Variants in UBR4 observed in about 807,000 individuals in gnomAD.
UBR4 encodes E3 ubiquitin-protein ligase UBR4.
UBR4 carries 124 observed loss-of-function variants against 575.6 expected under a neutral mutation model. The observed-to-expected ratio is 0.22, with a 90% CI of 0.19 to 0.25. UBR4 has a LOEUF of 0.25. Ranked by LOEUF, UBR4 falls within the 10% of genes least tolerant of loss-of-function variation. UBR4 has a pLI of 1.00. For missense variants in UBR4, 4,818 were observed against 6,478.8 expected, an observed-to-expected ratio of 0.74 and a Z score of 8.80; for synonymous variants, 2,455 against 2,473.7, an observed-to-expected ratio of 0.99 and a Z score of 0.22.
rs747530876 is a variant in UBR4 at position 19,110,333 on chromosome 1, T to C, written c.11977+47A>G. 1 of 1,613,768 alleles carries C rather than the reference T, an allele frequency of 6.2e-7. No homozygotes were observed. The highest frequency in any genetic ancestry group is 1.7e-5 in the Admixed American group (1 of 60,020). On this transcript the variant is annotated intron_variant, in intron 80 of 105. Transcript: ENST00000375254. This position sits in a 1 kb window ranked among gnomAD's most constrained non-coding sequence, Gnocchi z 4.5. ...CCTCCCCTCCCAGTCCGGCCAGGAC[T>C]GCTCCTTTGAGCCTCCTTTCCTTTC...
chr1:19,120,739 T>C (rs181791087), intron 68 of UBR4, among the ~76,000 whole-genome samples: 4 of 152,296 alleles, frequency 2.6e-5, no homozygotes, highest in East Asian at 3.9e-4. Context: ...TGGGGGAATG[T>C]GAACCACCAC....
At chr1:19,121,512 A>G in intron 67 of UBR4, 78 bp from the exon 68 acceptor site, 1 of 1,526,866 alleles carries the variant, frequency 6.5e-7, no homozygotes, top group Admixed American at 2.0e-5. Flanking sequence ...ACGTCTCCCT[A>G]CAGCTGAGAC....
In UBR4 at chr1:19,110,514, A is replaced by G; in HGVS notation, c.11893-50T>C. The G allele has an allele frequency of 6.4e-7, 1 of 1,574,734 alleles. No individual in the cohort carries two copies. Among genetic ancestry groups the G allele is most frequent in the Non-Finnish European group, 8.7e-7 (1 of 1,147,974 alleles). On this transcript the variant is annotated intron_variant, in intron 79 of 105. Coordinates refer to ENST00000375254, the MANE Select transcript of UBR4 (RefSeq NM_020765.3). The surrounding 1 kb of genome is among the most constrained non-coding windows in gnomAD (Gnocchi z 4.5). Reference sequence around the variant, plus strand: ...GAGTCAAGAGGGTCAGCTCCGGTCCAGCGACTCTTAACTATTAATACAATT... The same window carrying G: ...GAGTCAAGAGGGTCAGCTCCGGTCCGGCGACTCTTAACTATTAATACAATT...
intron 1 of UBR4, among the ~76,000 whole-genome samples, chr1:19,203,331 T>C (rs566897754): frequency 2.8e-4 from 43 of 151,692 alleles, no homozygotes; most frequent in African/African-American, 1.0e-3. Context: ...TGAAACCCCG[T>C]CTCTAATAAA....
intron 59 of UBR4, 90 bp downstream of exon 59, chr1:19,138,993 G>A (rs1570978756): frequency 6.9e-7 from 1 of 1,444,582 alleles, no homozygotes; most frequent in East Asian, 2.4e-5. Context: ...CCTTTTCTTT[G>A]CAAAAACCAA....
In UBR4 at chr1:19,186,577, C is replaced by T; in HGVS notation, c.1713G>A (p.Glu571=). 6.2e-7 allele frequency: 1 copy of T among 1,614,094 alleles called. No homozygotes were observed. The highest frequency in any genetic ancestry group is 8.5e-7 in the Non-Finnish European group (1 of 1,180,008). ...CCTCCTCCGTGCTACTGAAATCGTC[C>T]TCATAGTAAGTATTGGAGTCGGTGG... ...SASTDSNTYY[E]DDFSSTEEDS... Residue 571 remains glutamate (E), a synonymous_variant, in exon 14 of 106, where the codon GAG becomes GAA. Coordinates refer to ENST00000375254, the MANE Select transcript of UBR4 (RefSeq NM_020765.3).
At position 19,192,256 on chromosome 1, in the gene UBR4, G is replaced by T. The variant is rs750370164; in HGVS notation, c.1326C>A (p.Leu442=). 6.2e-7 allele frequency: 1 copy of T among 1,614,200 alleles called. No individual in the cohort carries two copies. The highest frequency in any genetic ancestry group is 1.1e-5 in the South Asian group (1 of 91,084). Residue 442 remains leucine (L), a synonymous_variant, in exon 11 of 106, where the codon CTC becomes CTA. Transcript: ENST00000375254. ...TACGAGAAAGGATGTCTCTGACTCG[G>T]AGGGCAGCCAGTGGGTCCTTCTCTT... The part of the protein sequence containing the change: ...KGKEKDPLAA[L]RVRDILSRTK...
chr1:19,172,747 C>G, intron 25 of UBR4, 117 bp downstream of exon 25: 1 of 986,702 alleles, frequency 1.0e-6, no homozygotes, highest in South Asian at 1.6e-5. Context: ...AAGCATTATA[C>G]GTGGGGAAAA....
At chr1:19,156,148 A>G (rs2086420791) in intron 42 of UBR4, 123 bp downstream of exon 42, 3 of 1,312,218 alleles carry the variant, frequency 2.3e-6, no homozygotes, top group Non-Finnish European at 1.1e-6. Flanking sequence ...AGCTGGTACT[A>G]CAGGTGAAAG....
In UBR4 at chr1:19,122,947, G is replaced by A; in HGVS notation, c.9702C>T (p.Asp3234=). The part of the protein sequence containing the change: ...YRQLRDLHTL[D]SHVRGIKKLL... ...GCTTCTTGATCCCACGCACGTGAGAGTCCAGGGTGTGCAAATCCCGGAGCT... is the reference window on the plus strand; with the variant it reads ...GCTTCTTGATCCCACGCACGTGAGAATCCAGGGTGTGCAAATCCCGGAGCT... The change falls in exon 66 of 106, where the codon GAC becomes GAT. Residue 3234 remains aspartate (D), a synonymous_variant. Transcript: ENST00000375254. 2 of 1,614,252 alleles carry A rather than the reference G, an allele frequency of 1.2e-6. No individual in the cohort carries two copies. The highest frequency in any genetic ancestry group is 2.2e-5 in the East Asian group (1 of 44,884).
At chr1:19,159,519 G>A (rs2086955980) in intron 39 of UBR4, among the ~76,000 whole-genome samples, 1 of 151,828 alleles carries the variant, frequency 6.6e-6, no homozygotes, top group African/African-American at 2.4e-5. Flanking sequence ...CCCACCTCTT[G>A]GAGATTCATA....
intron 32 of UBR4, among the ~76,000 whole-genome samples, 168 bp from the exon 33 acceptor site, chr1:19,164,609 G>T (rs922341284): frequency 2.0e-5 from 3 of 152,174 alleles, no homozygotes; most frequent in African/African-American, 7.2e-5. Context: ...TAACTGACAG[G>T]CCAAGTCATT....
At chr1:19,186,795 T>C in intron 13 of UBR4, 138 bp from the exon 14 acceptor site, 1 of 733,200 alleles carries the variant, frequency 1.4e-6, no homozygotes, top group Non-Finnish European at 2.2e-6. Context: ...TTAAGGACTT[T>C]CATCACTTTA....
chr1:19,088,058 C>A lies in UBR4; in HGVS notation c.14431-129G>T. 1.5e-6 allele frequency: 1 copy of A among 661,926 alleles called. No individual in the cohort carries two copies. The allele number at this position is 661,926 out of a possible 1,614,324, so 41.0% of individuals were successfully genotyped here. On this transcript the variant is annotated intron_variant, in intron 98 of 105. Coordinates refer to ENST00000375254, the MANE Select transcript of UBR4 (RefSeq NM_020765.3). The surrounding 1 kb of genome is among the most constrained non-coding windows in gnomAD (Gnocchi z 4.0). ...AAGGACAGGTGCATGAGAGGAAAGC[C>A]CTTGAGCTGTCTTCTAATAAGGATA...
chr1:19,132,605 T>TAAAAAAAAAAAAAAAAAAAAGAA (rs2082663273), intron 60 of UBR4, among the ~76,000 whole-genome samples: 1 of 24,096 alleles, frequency 4.2e-5, no homozygotes, highest in Non-Finnish European at 7.6e-5. Context: ...TAAAAAATGG[T>TAAAAAAAAAAAAAAAAAAAAGAA]AAAAAAAAAA....
At chr1:19,129,208 T>C (rs2082151427) in intron 60 of UBR4, 134 bp from the exon 61 acceptor site, 1 of 672,380 alleles carries the variant, frequency 1.5e-6, no homozygotes, top group Admixed American at 3.0e-5. Context: ...ATCTCCAGCA[T>C]TAAAAAAAAA....
In UBR4 at chr1:19,161,583, T is replaced by C; in HGVS notation, c.5175+6A>G. The C allele has an allele frequency of 1.3e-6, 2 of 1,599,228 alleles. No individual in the cohort carries two copies. The highest frequency in any genetic ancestry group is 1.7e-6 in the Non-Finnish European group (2 of 1,173,610). ...ACCCTTTATAGCTCAGGGAGGGTCC[T>C]CTCACCAAACAGCTGCCATCTTCCT... On this transcript the variant is annotated splice_donor_region_variant and intron_variant, in intron 37 of 105. Transcript: ENST00000375254.
intron 82 of UBR4, 30 bp downstream of exon 82, chr1:19,106,807 C>G: frequency 6.2e-7 from 1 of 1,608,156 alleles, no homozygotes; most frequent in Non-Finnish European, 8.5e-7. Context: ...GCAGGCAGGA[C>G]TTCCCGGCGT....
At chr1:19,086,049 G>T in intron 101 of UBR4, 96 bp downstream of exon 101, 1 of 1,492,706 alleles carries the variant, frequency 6.7e-7, no homozygotes, top group African/African-American at 1.4e-5. Flanking sequence ...GAAGGTAACA[G>T]GAAATGGTGT....
Sources: gnomAD v4.1 joint callset for allele counts (sites outside exome capture counted in the v4.1 genomes callset) on GRCh38, gnomAD v4.1.1 for gene constraint, Gnocchi (gnomAD v3.1) non-coding constraint, MANE v1.5 for transcripts, NCBI Gene and HGNC (gene_info 2026-07-23, HGNC 2026-07-21) for gene names.